Variants in FYCO1 observed in about 807,000 individuals in gnomAD.
The protein encoded by FYCO1 is FYVE and coiled-coil domain-containing protein 1.
FYCO1 carries 122 observed loss-of-function variants against 165.1 expected under a neutral mutation model. The observed-to-expected ratio is 0.74, with a 90% CI of 0.64 to 0.86. FYCO1 has a LOEUF of 0.86. Ranked by LOEUF, FYCO1 falls within the 40% of genes least tolerant of loss-of-function variation. The pLI is 0.00. For synonymous variants in FYCO1, 648 were observed against 742.5 expected, an observed-to-expected ratio of 0.87 and a Z score of 2.07; for missense variants, 1,702 against 1,810.3, an observed-to-expected ratio of 0.94 and a Z score of 1.09.
chr3:45,930,474 T>C (rs1446230284), intron 16 of FYCO1, among the ~76,000 whole-genome samples: 1 of 152,228 alleles, frequency 6.6e-6, no homozygotes, highest in African/African-American at 2.4e-5. Flanking sequence ...CTCATTGGAA[T>C]CACTTGGAGA....
chr3:45,931,534 C>T (rs552844766), intron 15 of FYCO1, among the ~76,000 whole-genome samples: 21 of 152,324 alleles, frequency 1.4e-4, no homozygotes, highest in African/African-American at 4.8e-4. Flanking sequence ...CAGATGACAC[C>T]TTTGCCTGTG....
chr3:45,959,775 A>G (rs1349607381), intron 11 of FYCO1, among the ~76,000 whole-genome samples: 3 of 152,318 alleles, frequency 2.0e-5, no homozygotes, highest in African/African-American at 7.2e-5. Flanking sequence ...ATGTACACAG[A>G]AGGCACTGTT....
chr3:45,978,010 C>A lies in FYCO1; in HGVS notation c.288+1695G>T, dbSNP rs148319827. Among the ~76,000 whole-genome samples, 575 of 152,264 alleles carry A rather than the reference C, an allele frequency of 3.8e-3. 3 individuals are homozygous for A. The highest frequency in any genetic ancestry group is 9.0e-3 in the Admixed American group (138 of 15,298). ...CTATGGGAAGCAGAGCCTATGCCAG[C>A]CACTAAAACACCAACATTCATGCAA... On this transcript the variant is annotated intron_variant, in intron 4 of 17. Transcript: ENST00000296137.
chr3:45,957,584 G>C (rs930511518), intron 13 of FYCO1, among the ~76,000 whole-genome samples: 9 of 152,176 alleles, frequency 5.9e-5, no homozygotes, highest in African/African-American at 2.2e-4. Context: ...TTTTAAAATG[G>C]GCAAAAGATT....
At chr3:45,974,344 G>A (rs747618176) in intron 5 of FYCO1, among the ~76,000 whole-genome samples, 2 of 152,128 alleles carry the variant, frequency 1.3e-5, no homozygotes, top group African/African-American at 4.8e-5. Context: ...CTGCACTCCC[G>A]CGTGGGCAAA....
rs1559455070 is a variant in FYCO1 at position 45,958,582 on chromosome 3, TG to T, written c.3624del (p.Asn1208LysfsTer5). The T allele has an allele frequency of 6.2e-7, 1 of 1,614,182 alleles. No homozygotes were observed. Among genetic ancestry groups the T allele is most frequent in the East Asian group, 2.2e-5 (1 of 44,876 alleles). ...CCACCGTGCTTGCTCAGGACGTAGT[TG>T]TTGCAGCAGTAGTAACAGAAGATGC... is the stretch of plus-strand genomic sequence containing the variant. Reference protein sequence around the residue: ...CGRIFCYYCCNNYVLSKHGGK... With the variant: ...CGRIFCYYCCXNYVLSKHGGK... On this transcript the variant is annotated frameshift_variant, in exon 13 of 18. Coordinates refer to ENST00000296137, the MANE Select transcript of FYCO1 (RefSeq NM_024513.4). LOFTEE classifies it high-confidence loss of function.
chr3:45,945,085 T>C (rs1392790879), intron 14 of FYCO1: 1 of 152,120 alleles, frequency 6.6e-6, no homozygotes, highest in Non-Finnish European at 1.5e-5. Context: ...GGCACTTTGG[T>C]CCCTGGAAAG....
chr3:45,980,647 G>T (rs1299827844), intron 3 of FYCO1, among the ~76,000 whole-genome samples: 1 of 152,306 alleles, frequency 6.6e-6, no homozygotes, highest in South Asian at 2.1e-4. Flanking sequence ...CACGTTAGGG[G>T]CCTTTCCTCT....
chr3:45,923,745 T>A lies in FYCO1; in HGVS notation c.4272A>T (p.Arg1424=). 2 of 1,614,038 alleles carry A rather than the reference T, an allele frequency of 1.2e-6. No homozygotes were observed. Among genetic ancestry groups the A allele is most frequent in the Non-Finnish European group, 1.7e-6 (2 of 1,179,940 alleles). The part of the protein sequence containing the change: ...DQCKVLIPTT[R]CNSHKENIQG... ...GGATGTTCTCCTTGTGGGAGTTGCA[T>A]CGGGTCGTGGGAATGAGGACCTGGG... Residue 1424 remains arginine (R), a synonymous_variant, in exon 17 of 18, where the codon CGA becomes CGT. Transcript: ENST00000296137.
chr3:45,943,141 C>A (rs2125816336), intron 14 of FYCO1, among the ~76,000 whole-genome samples: 2 of 152,328 alleles, frequency 1.3e-5, no homozygotes, highest in South Asian at 4.1e-4. Context: ...CAGACCCTAA[C>A]TGTTCCAAAA....
Position 45,969,704 on chromosome 3 carries a change from T to C in FYCO1, c.601A>G (p.Met201Val). 6.2e-7 allele frequency: 1 copy of C among 1,614,116 alleles called. No homozygotes were observed. The highest frequency in any genetic ancestry group is 8.5e-7 in the Non-Finnish European group (1 of 1,179,988). ...LWKPPSRSSSMSSLVSSYLQT... is the reference protein window; with the variant it reads ...LWKPPSRSSSVSSLVSSYLQT... The stretch of plus-strand genomic sequence containing the variant: ...AGGTAGCTGCTCACCAAGCTGCTCA[T>C]GCTGGAGCTGCGGCTAGGGGGTTTC... The change falls in exon 7 of 18, where the codon ATG becomes GTG. Residue 201 changes from methionine (M) to valine (V), a missense_variant. Transcript: ENST00000296137.
At chr3:45,984,268 T>C (rs1707207023) in intron 2 of FYCO1, among the ~76,000 whole-genome samples, 2 of 152,326 alleles carry the variant, frequency 1.3e-5, no homozygotes, top group East Asian at 3.9e-4. Flanking sequence ...TCTATGAAAC[T>C]TTATCTGCAC....
In FYCO1 at chr3:45,993,786, T is replaced by A. The variant is rs1264220077; in HGVS notation, c.-113+1936A>T. 6.6e-6 allele frequency among the ~76,000 whole-genome samples: 1 copy of A among 152,110 alleles called. No individual in the cohort carries two copies. The highest frequency in any genetic ancestry group is 2.4e-5 in the African/African-American group (1 of 41,404). On this transcript the variant is annotated intron_variant, in intron 1 of 17. Coordinates refer to ENST00000296137, the MANE Select transcript of FYCO1 (RefSeq NM_024513.4). The surrounding 1 kb of genome is among the most constrained non-coding windows in gnomAD (Gnocchi z 4.4). ...GTGATTTCCACCATAAGACCACAGC[T>A]AGACAACACACTTCCTCTGCCTCAT...
Position 45,967,017 on chromosome 3 carries a change from G to A in FYCO1, c.2317C>T (p.Leu773=). ...EARELAAQLA[L]SQAQLEVHQG... is the part of the protein sequence containing the mutation. ...TGGACTTCCAGCTGCGCCTGAGACA[G>A]GGCTAGCTGGGCAGCCAGCTCACGG... The change falls in exon 8 of 18, where the codon CTG becomes TTG. Residue 773 remains leucine, a synonymous_variant. Coordinates refer to ENST00000296137, the MANE Select transcript of FYCO1 (RefSeq NM_024513.4). The A allele has an allele frequency of 6.2e-7, 1 of 1,613,192 alleles. No homozygotes were observed. Among genetic ancestry groups the A allele is most frequent in the South Asian group, 1.1e-5 (1 of 91,086 alleles).
intron 14 of FYCO1, 58 bp downstream of exon 14, chr3:45,955,189 GAA>G (rs1705239282): frequency 6.3e-7 from 1 of 1,585,870 alleles, no homozygotes; most frequent in African/African-American, 1.3e-5. Flanking sequence ...CCTTTGATAA[GAA>G]AGCACAGGGG....
chr3:45,919,833 C>T lies in FYCO1; in HGVS notation c.*1932G>A, dbSNP rs1487439194. ...GGATTCAAAGTTAGCATGATTTGTT[C>T]TGAATCATCTCAGGCCACGTGGCAT... On this transcript the variant is annotated 3_prime_UTR_variant, in exon 18 of 18. Coordinates refer to ENST00000296137, the MANE Select transcript of FYCO1 (RefSeq NM_024513.4). The T allele has an allele frequency of 2.0e-5, 3 of 152,228 alleles. No homozygotes were observed. Among genetic ancestry groups the T allele is most frequent in the Non-Finnish European group, 4.4e-5 (3 of 68,048 alleles). The allele number at this position is 152,228 out of a possible 1,614,324, so 9.4% of individuals were successfully genotyped here. A position where few individuals can be genotyped will look rare whatever the true frequency, so the allele number is the denominator to read the frequency against.
chr3:45,946,068 TG>T (rs1704579739), intron 14 of FYCO1: 2 of 173,076 alleles, frequency 1.2e-5, no homozygotes, highest in Admixed American at 1.1e-4. Context: ...CATGTTCCAT[TG>T]ATGAGCTCAT....
Position 45,962,934 on chromosome 3 carries a change from G to A in FYCO1, c.3270-542C>T, listed in dbSNP as rs1411440580. On this transcript the variant is annotated intron_variant, in intron 10 of 17. Transcript: ENST00000296137. The surrounding 1 kb of genome is among the most constrained non-coding windows in gnomAD (Gnocchi z 4.4). ...CCTGAGGCCCAGGGAATTCCGTTTT[G>A]GGTGCTGCAGGGTGTCTCAGTCTAT... Among the ~76,000 whole-genome samples, 12 of 152,090 alleles carry A rather than the reference G, an allele frequency of 7.9e-5. No homozygotes were observed. Among genetic ancestry groups the A allele is most frequent in the Admixed American group, 7.9e-4 (12 of 15,278 alleles).
chr3:45,936,587 C>T, intron 14 of FYCO1, 44 bp from the exon 15 acceptor site: 1 of 1,325,926 alleles, frequency 7.5e-7, no homozygotes, highest in South Asian at 1.2e-5. Context: ...GCTATCAACA[C>T]ACAGGGTCTC....
Sources: gnomAD v4.1 joint callset for allele counts (sites outside exome capture counted in the v4.1 genomes callset) on GRCh38, gnomAD v4.1.1 for gene constraint, Gnocchi (gnomAD v3.1) non-coding constraint, MANE v1.5 for transcripts, NCBI Gene and HGNC (gene_info 2026-07-23, HGNC 2026-07-21) for gene names.